Variants in RAB30 observed in about 807,000 individuals in gnomAD.
RAB30 encodes ras-related protein Rab-30.
Under a neutral mutation model 25.1 loss-of-function variants are expected in RAB30, and 9 were observed. The observed-to-expected ratio is 0.36, with a 90% CI of 0.22 to 0.63. The LOEUF is 0.63. Ranked by LOEUF, RAB30 falls within the 20% of genes least tolerant of loss-of-function variation. The probability of loss-of-function intolerance (pLI) is 0.69; values close to 1 mark genes in which losing one functional copy is unlikely to be tolerated. For synonymous variants in RAB30, 77 were observed against 86.4 expected (o/e 0.89, Z 0.60); for missense variants, 140 against 243.5 (o/e 0.58, Z 2.83).
chr11:83,033,622 C>A (rs749476014), intron 1 of RAB30, among the ~76,000 whole-genome samples: 1 of 152,148 alleles, frequency 6.6e-6, no homozygotes, highest in Non-Finnish European at 1.5e-5. Context: ...AAGTTAATAA[C>A]AGAGTTATGA....
intron 3 of RAB30, 79 bp downstream of exon 3, chr11:82,993,960 A>C (rs764271950): frequency 1.3e-4 from 151 of 1,142,356 alleles, no homozygotes; most frequent in Non-Finnish European, 1.9e-4. Flanking sequence ...AGGAGATTTA[A>C]TAAATGGTTA....
chr11:82,987,705 G>A lies in RAB30; in HGVS notation c.243C>T (p.Ser81=), dbSNP rs771089612. 6.2e-6 allele frequency: 10 copies of A among 1,613,056 alleles called. No individual in the cohort carries two copies. The highest frequency in any genetic ancestry group is 1.7e-5 in the Admixed American group (1 of 59,954). Residue 81 remains serine (S), a synonymous_variant, in exon 4 of 5, where the codon AGC becomes AGT. Transcript: ENST00000527633. ...CATAGGTGAGGATCAAGGCATTGGC[G>A]CTTCGGTAGTAACTCTGGGTAATGG... is the stretch of plus-strand genomic sequence containing the variant. ...FRSITQSYYR[S]ANALILTYDI... is the part of the protein sequence containing the mutation.
intron 1 of RAB30, among the ~76,000 whole-genome samples, chr11:83,031,532 CT>C (rs71063251): frequency 1.8e-4 from 26 of 143,650 alleles, no homozygotes; most frequent in Admixed American, 2.1e-4. Context: ...CTTTTTTTTT[CT>C]TTTTTTTTTT....
At chr11:83,006,048 G>T (rs1331050009) in intron 1 of RAB30, among the ~76,000 whole-genome samples, 3 of 151,832 alleles carry the variant, frequency 2.0e-5, no homozygotes, top group Non-Finnish European at 4.4e-5. Flanking sequence ...GTTATAATAA[G>T]AGGCCATTCA....
In RAB30 at chr11:82,980,077, G is replaced by C. The variant is rs1452563880; in HGVS notation, c.*2088C>G. On this transcript the variant is annotated 3_prime_UTR_variant, in exon 5 of 5. Coordinates refer to ENST00000527633, the MANE Select transcript of RAB30 (RefSeq NM_001286060.2). ...CACTGGATTTTTGCCCTAAATGACA[G>C]GTAATAAATCTAAACTTAGGAACAT... 1 of 152,108 alleles carries C rather than the reference G, an allele frequency of 6.6e-6. No individual in the cohort carries two copies. Among genetic ancestry groups the C allele is most frequent in the Non-Finnish European group, 1.5e-5 (1 of 68,010 alleles). 9.4% of individuals were successfully genotyped at this position (152,108 alleles called of 1,614,324 possible).
chr11:82,997,364 C>A, intron 1 of RAB30, 40 bp from the exon 2 acceptor site: 2 of 1,392,230 alleles, frequency 1.4e-6, no homozygotes, highest in South Asian at 2.3e-5. Context: ...AAGGCCCAGT[C>A]AGACTTGCCC....
chr11:83,071,643 G>A (rs1170199195), intron 1 of RAB30, 48 bp downstream of exon 1: 1 of 153,502 alleles, frequency 6.5e-6, no homozygotes, highest in Non-Finnish European at 1.4e-5. Context: ...AGAACTAAGC[G>A]GGAGGAATAA....
At chr11:82,984,828 T>A (rs1314426311) in intron 4 of RAB30, among the ~76,000 whole-genome samples, 2 of 152,108 alleles carry the variant, frequency 1.3e-5, no homozygotes, top group Non-Finnish European at 2.9e-5. Context: ...GGAACACTTG[T>A]CATACCAGAA....
intron 1 of RAB30, among the ~76,000 whole-genome samples, chr11:83,045,110 A>C (rs1858207087): frequency 6.6e-6 from 1 of 152,224 alleles, no homozygotes; most frequent in African/African-American, 2.4e-5. Context: ...GCAGACCTAG[A>C]CATGGTCTAA....
At chr11:83,016,682 T>G (rs1169814502) in intron 1 of RAB30, among the ~76,000 whole-genome samples, 1 of 152,214 alleles carries the variant, frequency 6.6e-6, no homozygotes, top group Non-Finnish European at 1.5e-5. Context: ...TGCATTCTCT[T>G]TCTACACAAT....
intron 1 of RAB30, among the ~76,000 whole-genome samples, chr11:83,065,167 C>T (rs1858666958): frequency 6.6e-6 from 1 of 151,976 alleles, no homozygotes; most frequent in South Asian, 2.1e-4. Flanking sequence ...ATGGGAGGAC[C>T]ACTTGAGCCC....
intron 1 of RAB30, chr11:83,041,676 G>T (rs1858119739): frequency 1.3e-5 from 2 of 152,514 alleles, no homozygotes; most frequent in African/African-American, 4.9e-5. Flanking sequence ...TGTTCAGTTT[G>T]TGAACTTTAT....
intron 1 of RAB30, among the ~76,000 whole-genome samples, chr11:83,011,094 T>C (rs1219038039): frequency 6.6e-6 from 1 of 152,244 alleles, no homozygotes; most frequent in Non-Finnish European, 1.5e-5. Context: ...AGACCTTTTA[T>C]TTTTGAAGTT....
At chr11:83,044,515 GA>G (rs1383514496) in intron 1 of RAB30, among the ~76,000 whole-genome samples, 2 of 152,044 alleles carry the variant, frequency 1.3e-5, no homozygotes, top group Non-Finnish European at 1.5e-5. Context: ...CAGGTAGGAA[GA>G]TTTTTTTTTT....
Position 82,982,344 on chromosome 11 carries a change from C to T in RAB30, c.433G>A (p.Asp145Asn), listed in dbSNP as rs984104967. The change falls in exon 5 of 5, where the codon GAC becomes AAC. Residue 145 changes from aspartate (D) to asparagine (N), a missense_variant. Transcript: ENST00000527633. Reference protein sequence around the residue: ...QRAEEFSEAQDMYYLETSAKE... With the variant: ...QRAEEFSEAQNMYYLETSAKE... ...GCTGAGGTCTCCAGATAATACATGT[C>T]CTGAGCTTCTGAGAATTCTTCAGCT... 2 of 1,614,150 alleles carry T rather than the reference C, an allele frequency of 1.2e-6. No individual in the cohort carries two copies. The highest frequency in any genetic ancestry group is 1.7e-6 in the Non-Finnish European group (2 of 1,180,010).
intron 1 of RAB30, chr11:83,041,260 T>G (rs773265548): frequency 2.3e-5 from 4 of 174,564 alleles, no homozygotes; most frequent in African/African-American, 4.7e-5. Context: ...GTGGATCTTC[T>G]GGTGACCAGG....
In RAB30 at chr11:82,979,930, G is replaced by A. The variant is rs1428010006; in HGVS notation, c.*2235C>T. Reference sequence around the variant, plus strand: ...AATAATACAAGTGTGACCCTAAAAGGTATTATTTTGCAACTAAATCAGTCC... The same window carrying A: ...AATAATACAAGTGTGACCCTAAAAGATATTATTTTGCAACTAAATCAGTCC... On this transcript the variant is annotated 3_prime_UTR_variant, in exon 5 of 5. Transcript: ENST00000527633. 6.6e-6 allele frequency: 1 copy of A among 152,018 alleles called. No homozygotes were observed. The highest frequency in any genetic ancestry group is 2.4e-5 in the African/African-American group (1 of 41,370). 9.4% of individuals were successfully genotyped at this position (152,018 alleles called of 1,614,324 possible). A position where few individuals can be genotyped will look rare whatever the true frequency, so the allele number is the denominator to read the frequency against.
At chr11:83,051,236 G>A (rs186271534) in intron 1 of RAB30, among the ~76,000 whole-genome samples, 5 of 152,210 alleles carry the variant, frequency 3.3e-5, no homozygotes, top group South Asian at 4.1e-4. Context: ...CTGGGTGCCC[G>A]AAACATTAAA....
At chr11:83,026,229 C>A (rs1857709391) in intron 1 of RAB30, among the ~76,000 whole-genome samples, 1 of 151,922 alleles carries the variant, frequency 6.6e-6, no homozygotes, top group South Asian at 2.1e-4. Flanking sequence ...TACACACATA[C>A]ATAAAAAAAA....
Sources: allele counts gnomAD v4.1 joint callset (sites outside exome capture counted in the v4.1 genomes callset), GRCh38; gene constraint gnomAD v4.1.1; transcripts MANE v1.5; gene names NCBI Gene and HGNC (gene_info 2026-07-23, HGNC 2026-07-21).